Variants in WDR27 observed in about 807,000 individuals in gnomAD.
The protein encoded by WDR27 is WD repeat domain 27.
Under a neutral mutation model 114.4 loss-of-function variants are expected in WDR27, and 100 were observed. The ratio of observed to expected loss-of-function variants is 0.87; its 90% CI spans 0.74 to 1.03. The LOEUF (loss-of-function observed/expected upper bound fraction) is 1.03, where lower values mean the gene tolerates loss of function less well. Ranked by LOEUF, WDR27 falls within the 50% of genes least tolerant of loss-of-function variation. WDR27 has a pLI of 0.00. For missense variants in WDR27, 1,129 were observed against 1,092.9 expected (o/e 1.03, Z -0.47); for synonymous variants, 449 against 423.1 (o/e 1.06, Z -0.75).
At chr6:169,453,471 T>C (rs1784235571), downstream of WDR27, among the ~76,000 whole-genome samples, 1 of 152,194 alleles carries the variant, frequency 6.6e-6, no homozygotes, top group Admixed American at 6.5e-5. Context: ...GCTCACATGC[T>C]GGGACACATT....
intron 2 of WDR27, among the ~76,000 whole-genome samples, chr6:169,675,916 A>C (rs953629585): frequency 6.6e-6 from 1 of 152,206 alleles, no homozygotes; most frequent in African/African-American, 2.4e-5. Context: ...TCTCTATAGA[A>C]TATGGATTTT....
At position 169,555,311 on chromosome 6, in the gene WDR27, G is replaced by A. The variant is rs1798719558; in HGVS notation, c.2645+17108C>T. Among the ~76,000 whole-genome samples the A allele has an allele frequency of 3.3e-5, 5 of 152,198 alleles. No individual in the cohort carries two copies. The South Asian group carries it at 6.2e-4, about 19-fold the overall frequency. ...GGAGGAGTCTGAAAAGAGCAAGTGG[G>A]AAAAACACATTCCAAGCAAAGAAGA... On this transcript the variant is annotated intron_variant, in intron 25 of 25. Coordinates refer to ENST00000448612, the MANE Select transcript of WDR27 (RefSeq NM_182552.5).
chr6:169,670,795 TGAGA>T (rs1445365349), intron 3 of WDR27, 102 bp from the exon 4 acceptor site: 24 of 1,416,560 alleles, frequency 1.7e-5, no homozygotes, highest in Middle Eastern at 1.8e-4. Flanking sequence ...CTAAAATTAC[TGAGA>T]GAATGACAAT....
At chr6:169,622,407 A>G (rs1813595754) in intron 21 of WDR27, among the ~76,000 whole-genome samples, 1 of 152,228 alleles carries the variant, frequency 6.6e-6, no homozygotes, top group Admixed American at 6.5e-5. Context: ...ACGCACATAC[A>G]AACCAAATTT....
chr6:169,679,073 AACTG>A (rs1258744945), intron 2 of WDR27, among the ~76,000 whole-genome samples: 13 of 123,736 alleles, frequency 1.1e-4, no homozygotes, highest in African/African-American at 3.8e-4. Flanking sequence ...AAACTCAACC[AACTG>A]TCAACCAGAA....
chr6:169,522,149 T>A (rs2128066016), intron 25 of WDR27, among the ~76,000 whole-genome samples: 2 of 152,186 alleles, frequency 1.3e-5, no homozygotes, highest in South Asian at 4.1e-4. Context: ...AGATATTCCA[T>A]ATAACTAGCA....
intron 16 of WDR27, among the ~76,000 whole-genome samples, chr6:169,646,529 C>T (rs1237478188): frequency 6.6e-6 from 1 of 152,108 alleles, no homozygotes; most frequent in African/African-American, 2.4e-5. Flanking sequence ...GGTGGATCAC[C>T]GGACGTCAGG....
intron 25 of WDR27, among the ~76,000 whole-genome samples, chr6:169,541,096 A>G (rs1323585793): frequency 6.6e-6 from 1 of 152,082 alleles, no homozygotes; most frequent in Non-Finnish European, 1.5e-5. Flanking sequence ...AGCAGACTCA[A>G]ATAAAAATGT....
At chr6:169,632,900 A>G (rs1562756235) in intron 21 of WDR27, 47 bp downstream of exon 21, 2 of 1,539,448 alleles carry the variant, frequency 1.3e-6, no homozygotes, top group Non-Finnish European at 8.8e-7. Context: ...AAATGCTTTA[A>G]GCACATAGTT....
intron 21 of WDR27, among the ~76,000 whole-genome samples, chr6:169,623,908 G>A (rs1048459276): frequency 1.3e-5 from 2 of 152,256 alleles, no homozygotes; most frequent in South Asian, 2.1e-4. Context: ...GCCTAGGAGT[G>A]ACACAGCCTG....
chr6:169,613,184 G>T (rs76186246), intron 22 of WDR27, among the ~76,000 whole-genome samples: 3,385 of 152,274 alleles, frequency 0.022, 74 homozygotes, highest in East Asian at 0.088. Flanking sequence ...GTCAGGCGCC[G>T]CTGGCCCTGC....
At chr6:169,647,601 G>A in intron 16 of WDR27, 172 bp downstream of exon 16, 1 of 709,346 alleles carries the variant, frequency 1.4e-6, no homozygotes, top group South Asian at 1.7e-5. Flanking sequence ...ACAGTCGAGT[G>A]AAACGCAGTC....
intron 17 of WDR27, among the ~76,000 whole-genome samples, chr6:169,642,399 T>A (rs1177565098): frequency 6.6e-6 from 1 of 150,652 alleles, no homozygotes; most frequent in Non-Finnish European, 1.5e-5. Context: ...TTTCCAACAA[T>A]AAAATACACA....
chr6:169,681,217 T>C (rs1781444498), intron 2 of WDR27, among the ~76,000 whole-genome samples: 1 of 152,200 alleles, frequency 6.6e-6, no homozygotes, highest in Non-Finnish European at 1.5e-5. Context: ...AATGAACTAC[T>C]GAATGCAGGA....
Position 169,660,834 on chromosome 6 carries a change from C to T in WDR27, c.1026-68G>A, listed in dbSNP as rs560340000. ...TCCTGAAGGTTGGGCCCCACGTGCG[C>T]CCCCTGGCCTGGCTGTGAGCTCTCC... On this transcript the variant is annotated intron_variant, in intron 9 of 25. Coordinates refer to ENST00000448612, the MANE Select transcript of WDR27 (RefSeq NM_182552.5). The T allele has an allele frequency of 5.7e-6, 8 of 1,409,364 alleles. No homozygotes were observed. The East Asian group carries it at 1.4e-4, about 25-fold the overall frequency. The allele number at this position is 1,409,364 out of a possible 1,614,324, so 87.3% of individuals were successfully genotyped here.
At chr6:169,608,550 A>C (rs1809775753) in intron 22 of WDR27, among the ~76,000 whole-genome samples, 1 of 152,150 alleles carries the variant, frequency 6.6e-6, no homozygotes, top group Non-Finnish European at 1.5e-5. Context: ...AAACCATCGG[A>C]TCTCATGAGA....
chr6:169,645,756 G>T (rs921511024), intron 16 of WDR27, among the ~76,000 whole-genome samples: 1 of 142,696 alleles, frequency 7.0e-6, no homozygotes, highest in African/African-American at 2.6e-5. Flanking sequence ...AGTTCACAGG[G>T]TCACACTGTA....
At chr6:169,502,305 C>T (rs956911725) in intron 25 of WDR27, among the ~76,000 whole-genome samples, 2 of 152,218 alleles carry the variant, frequency 1.3e-5, no homozygotes, top group African/African-American at 4.8e-5. Flanking sequence ...GTGCGTCCCT[C>T]TGAAAGATTC....
At chr6:169,466,573 T>C (rs2115305011) in intron 25 of WDR27, among the ~76,000 whole-genome samples, 1 of 152,234 alleles carries the variant, frequency 6.6e-6, no homozygotes, top group Non-Finnish European at 1.5e-5. Context: ...TCCCACAACA[T>C]GTGGGGATTA....
Sources: gnomAD v4.1 joint callset for allele counts (sites outside exome capture counted in the v4.1 genomes callset) on GRCh38, gnomAD v4.1.1 for gene constraint, MANE v1.5 for transcripts, NCBI Gene and HGNC (gene_info 2026-07-23, HGNC 2026-07-21) for gene names.